The following ALOX5AP variants were observed in gnomAD, a reference collection of about 807,000 sequenced individuals.
The protein encoded by ALOX5AP is arachidonate 5-lipoxygenase activating protein.
Under a neutral mutation model 18.5 loss-of-function variants are expected in ALOX5AP, and 9 were observed. The observed-to-expected ratio is 0.49, with a 90% CI of 0.29 to 0.85. The LOEUF is 0.85. ALOX5AP is among the 40% of genes least tolerant of loss of function. The probability of loss-of-function intolerance (pLI) is 0.08; values close to 1 mark genes in which losing one functional copy is unlikely to be tolerated. For missense variants in ALOX5AP, 172 were observed against 202.5 expected (o/e 0.85, Z 0.91); for synonymous variants, 81 against 78.6 (o/e 1.03, Z -0.16).
At chr13:30,727,243 C>T (rs1951646232) in intron 1 of ALOX5AP, among the ~76,000 whole-genome samples, 1 of 152,014 alleles carries the variant, frequency 6.6e-6, no homozygotes, top group African/African-American at 2.4e-5. Flanking sequence ...GGTGTTTCTC[C>T]ATGTTGGCCA....
chr13:30,753,662 C>A (rs1272008646), intron 3 of ALOX5AP, among the ~76,000 whole-genome samples: 1 of 152,190 alleles, frequency 6.6e-6, no homozygotes, highest in Non-Finnish European at 1.5e-5. Flanking sequence ...AAGCTCAAGT[C>A]CCAGAGGAAC....
Position 30,744,134 on chromosome 13 carries a change from G to A in ALOX5AP, c.145G>A (p.Ala49Thr). ...GRSFQRTGTLAFERVYTANQN... is the reference protein window; with the variant it reads ...GRSFQRTGTLTFERVYTANQN... ...GAGCTTCCAGAGGACCGGAACACTT[G>A]CCTTTGAGCGGGTCTACACTGCCAA... The change falls in exon 2 of 5, where the codon GCC becomes ACC. Residue 49 changes from alanine (A) to threonine (T), a missense_variant. By Grantham distance (58) the Ala-to-Thr change is moderately conservative (BLOSUM62 0). Coordinates refer to ENST00000380490, the MANE Select transcript of ALOX5AP (RefSeq NM_001629.4). The A allele has an allele frequency of 2.5e-6, 4 of 1,614,066 alleles. No homozygotes were observed. The highest frequency in any genetic ancestry group is 3.4e-6 in the Non-Finnish European group (4 of 1,179,956).
At chr13:30,763,846 T>C (rs1951966663) in intron 4 of ALOX5AP, 98 bp from the exon 5 acceptor site, 5 of 1,174,738 alleles carry the variant, frequency 4.3e-6, no homozygotes, top group Non-Finnish European at 6.1e-6. Flanking sequence ...GGAGCTATAA[T>C]TTAAACCCCA....
At chr13:30,718,382 CATATAT>C (rs59562797) in intron 1 of ALOX5AP, among the ~76,000 whole-genome samples, 31,558 of 139,634 alleles carry the variant, frequency 0.23, 4,351 homozygotes, top group African/African-American at 0.38. Context: ...CACAGATATG[CATATAT>C]ATATATATAT....
upstream of ALOX5AP, among the ~76,000 whole-genome samples, chr13:30,734,266 G>A (rs767664939): frequency 2.0e-5 from 3 of 152,178 alleles, no homozygotes; most frequent in East Asian, 1.9e-4. Context: ...AACTCTGCAC[G>A]CTGCCTTCAT....
At chr13:30,727,706 GC>G (rs1208416730) in intron 1 of ALOX5AP, among the ~76,000 whole-genome samples, 5 of 152,294 alleles carry the variant, frequency 3.3e-5, no homozygotes, top group African/African-American at 1.2e-4. Context: ...TTCTCTGACT[GC>G]TCCGTGATGA....
In ALOX5AP at chr13:30,735,782, C is replaced by T. The variant is rs1368882465; in HGVS notation, c.70+107C>T. On this transcript the variant is annotated intron_variant, in intron 1 of 4. Coordinates refer to ENST00000380490, the MANE Select transcript of ALOX5AP (RefSeq NM_001629.4). Reference sequence around the variant, plus strand: ...GTGTCTGTGTGTGCGCATGCACAAACACTTTTACCTTATCTTTATTTTCTT... The same window carrying T: ...GTGTCTGTGTGTGCGCATGCACAAATACTTTTACCTTATCTTTATTTTCTT... 3.3e-6 allele frequency: 4 copies of T among 1,216,908 alleles called. No homozygotes were observed. In the African/African-American group the frequency reaches 6.2e-5, roughly 19 times the overall value. The allele number at this position is 1,216,908 out of a possible 1,614,324, so 75.4% of individuals were successfully genotyped here.
chr13:30,752,814 G>A (rs1040337292), intron 3 of ALOX5AP, among the ~76,000 whole-genome samples: 8 of 152,162 alleles, frequency 5.3e-5, no homozygotes, highest in Non-Finnish European at 8.8e-5. Context: ...TTGTCTCCCC[G>A]CTCTGTAAAG....
At chr13:30,725,662 T>G (rs1280197857) in intron 1 of ALOX5AP, among the ~76,000 whole-genome samples, 39 of 152,254 alleles carry the variant, frequency 2.6e-4, no homozygotes, top group Non-Finnish European at 5.7e-4. Flanking sequence ...GAATAGACAT[T>G]TACTCTGGAT....
At chr13:30,745,329 G>T (rs1002145010) in intron 2 of ALOX5AP, among the ~76,000 whole-genome samples, 2 of 152,110 alleles carry the variant, frequency 1.3e-5, no homozygotes, top group African/African-American at 4.8e-5. Context: ...CTCCGAAATC[G>T]CTGGGCCACT....
At chr13:30,729,576 A>AC (rs1555254726) in intron 1 of ALOX5AP, among the ~76,000 whole-genome samples, 3 of 137,636 alleles carry the variant, frequency 2.2e-5, no homozygotes, top group Non-Finnish European at 3.1e-5. Context: ...TCTAACCTGT[A>AC]TTTTTTTTTT....
At chr13:30,734,868 T>C (rs1951707974), upstream of ALOX5AP, among the ~76,000 whole-genome samples, 1 of 152,246 alleles carries the variant, frequency 6.6e-6, no homozygotes, top group African/African-American at 2.4e-5. Context: ...CCTTCCTTCA[T>C]TCAAACCTTA....
intron 2 of ALOX5AP, among the ~76,000 whole-genome samples, chr13:30,746,229 C>T (rs759750875): frequency 2.6e-5 from 4 of 152,172 alleles, no homozygotes; most frequent in Non-Finnish European, 5.9e-5. Flanking sequence ...GATTAAAAAG[C>T]GTAAGAGGAG....
intron 1 of ALOX5AP, among the ~76,000 whole-genome samples, chr13:30,727,340 A>G (rs1951646978): frequency 6.6e-6 from 1 of 151,778 alleles, no homozygotes; most frequent in South Asian, 2.1e-4. Flanking sequence ...CACTGTGCAC[A>G]GTCACCACGG....
chr13:30,726,085 A>G (rs936589588), intron 1 of ALOX5AP, among the ~76,000 whole-genome samples: 1 of 152,146 alleles, frequency 6.6e-6, no homozygotes, highest in African/African-American at 2.4e-5. Flanking sequence ...TTTCCTTCCC[A>G]TTCCTGTAAC....
intron 1 of ALOX5AP, among the ~76,000 whole-genome samples, chr13:30,714,161 A>C (rs979342691): frequency 5.3e-5 from 8 of 150,494 alleles, no homozygotes; most frequent in African/African-American, 1.7e-4. Flanking sequence ...TTTAGAGAAC[A>C]GATGCCGAAT....
At chr13:30,741,839 T>C (rs1951769042) in intron 1 of ALOX5AP, among the ~76,000 whole-genome samples, 1 of 151,178 alleles carries the variant, frequency 6.6e-6, no homozygotes, top group African/African-American at 2.4e-5. Context: ...CTGTTTTTTT[T>C]TTTTTTTTTT....
intron 3 of ALOX5AP, among the ~76,000 whole-genome samples, chr13:30,755,624 A>G (rs928073674): frequency 6.6e-6 from 1 of 152,240 alleles, no homozygotes; most frequent in African/African-American, 2.4e-5. Flanking sequence ...TGAGCTAAAG[A>G]AAAAACGTTG....
intron 4 of ALOX5AP, among the ~76,000 whole-genome samples, chr13:30,763,000 G>T (rs1951955120): frequency 6.6e-6 from 1 of 152,136 alleles, no homozygotes; most frequent in South Asian, 2.1e-4. Flanking sequence ...TTGGAGAGAA[G>T]GATAGAGTAT....
Sources: allele counts gnomAD v4.1 joint callset (sites outside exome capture counted in the v4.1 genomes callset), GRCh38; gene constraint gnomAD v4.1.1; transcripts MANE v1.5; gene names NCBI Gene and HGNC (gene_info 2026-07-23, HGNC 2026-07-21).